Variants in NCKAP5 observed in about 807,000 individuals in gnomAD.
NCKAP5 encodes nck-associated protein 5.
NCKAP5 carries 92 observed loss-of-function variants against 167.0 expected under a neutral mutation model. The observed-to-expected ratio is 0.55, with a 90% CI of 0.47 to 0.66. NCKAP5 has a LOEUF of 0.66. NCKAP5 is among the 30% of genes least tolerant of loss of function. NCKAP5 has a pLI of 0.00. For missense variants in NCKAP5, 2,378 were observed against 2,315.0 expected, an observed-to-expected ratio of 1.03 and a Z score of -0.56; for synonymous variants, 891 against 877.4, an observed-to-expected ratio of 1.02 and a Z score of -0.27.
At chr2:133,282,916 T>C (rs1455058663) in intron 4 of NCKAP5, among the ~76,000 whole-genome samples, 1 of 152,170 alleles carries the variant, frequency 6.6e-6, no homozygotes, top group African/African-American at 2.4e-5. Context: ...TCCATGATCA[T>C]CCATATGTAT....
chr2:132,920,733 GTATA>G (rs1229649639), intron 8 of NCKAP5, among the ~76,000 whole-genome samples: 15 of 53,734 alleles, frequency 2.8e-4, no homozygotes, highest in Admixed American at 1.4e-3. Flanking sequence ...ATATATATAT[GTATA>G]TATATGTGTA....
At chr2:133,629,119 A>T in the NCKAP5 span, among the ~76,000 whole-genome samples, 4 of 152,246 alleles carry the variant, frequency 2.6e-5, no homozygotes, top group Non-Finnish European at 5.9e-5. Context: ...ATTGCAACAG[A>T]AGCAAAAATT....
intron 6 of NCKAP5, among the ~76,000 whole-genome samples, chr2:133,081,467 A>T (rs2080803241): frequency 6.6e-6 from 1 of 152,216 alleles, no homozygotes; most frequent in Non-Finnish European, 1.5e-5. Context: ...TTAAAAATAC[A>T]GTATCTGCTT....
intron 3 of NCKAP5, among the ~76,000 whole-genome samples, chr2:133,446,558 G>A (rs1023860942): frequency 2.6e-5 from 4 of 152,174 alleles, no homozygotes; most frequent in Non-Finnish European, 5.9e-5. Flanking sequence ...GTAAGTGAGG[G>A]AGGGAGAGGG....
chr2:133,617,743 G>A, the NCKAP5 span, among the ~76,000 whole-genome samples: 3 of 151,740 alleles, frequency 2.0e-5, no homozygotes, highest in Non-Finnish European at 4.4e-5. Flanking sequence ...GTAATTTATA[G>A]ATTCAATGCC....
intron 11 of NCKAP5, among the ~76,000 whole-genome samples, chr2:132,821,958 T>C (rs558411859): frequency 1.1e-4 from 17 of 152,054 alleles, no homozygotes; most frequent in Admixed American, 2.6e-4. Flanking sequence ...ACACAAAACA[T>C]AGAAACTCTT....
chr2:133,174,684 A>C (rs1252505812), intron 5 of NCKAP5, among the ~76,000 whole-genome samples: 1 of 149,078 alleles, frequency 6.7e-6, no homozygotes. Context: ...AGGCACAACA[A>C]AATATTCCAA....
chr2:133,049,317 G>A lies in NCKAP5; in HGVS notation c.342-55078C>T, dbSNP rs889730179. On this transcript the variant is annotated intron_variant, in intron 6 of 19. Transcript: ENST00000409261. The stretch of plus-strand genomic sequence containing the variant: ...TCCCAACACTTTGGGAAGCCTAGGC[G>A]GGTGGATCCCGAGGTCAGGAGATTG... Among the ~76,000 whole-genome samples the A allele has an allele frequency of 7.2e-5, 11 of 152,104 alleles. No individual in the cohort carries two copies. In the South Asian group the frequency reaches 8.3e-4, roughly 11 times the overall value.
intron 6 of NCKAP5, among the ~76,000 whole-genome samples, chr2:133,035,709 T>C (rs1312670122): frequency 6.6e-6 from 1 of 151,740 alleles, no homozygotes; most frequent in Non-Finnish European, 1.5e-5. Flanking sequence ...AGTTTATAGA[T>C]ATAAGTGGCT....
rs536518815 is a variant in NCKAP5, at chr2:133,480,651, T to C, written c.69+36807A>G. On this transcript the variant is annotated intron_variant, in intron 3 of 19. Coordinates refer to ENST00000409261, the MANE Select transcript of NCKAP5 (RefSeq NM_207363.3). Reference sequence around the variant, plus strand: ...TACTCTTCAGAAGGTACCAGACAGATTGACCCTCAGTTGCCCACAGCCATG... The same window carrying C: ...TACTCTTCAGAAGGTACCAGACAGACTGACCCTCAGTTGCCCACAGCCATG... Among the ~76,000 whole-genome samples, 10 of 152,322 alleles carry C rather than the reference T, an allele frequency of 6.6e-5. No homozygotes were observed. In the South Asian group the frequency reaches 8.3e-4, roughly 13 times the overall value.
Position 132,783,161 on chromosome 2 carries a change from C to T in NCKAP5, c.3650G>A (p.Gly1217Asp), listed in dbSNP as rs1212364897. 3.7e-6 allele frequency: 6 copies of T among 1,613,540 alleles called. No individual in the cohort carries two copies. Among genetic ancestry groups the T allele is most frequent in the South Asian group, 2.2e-5 (2 of 91,020 alleles). ...CAGGGGAAGCCCATCAGCTAAACTG[C>T]CCTGTGCTTGTGAATCCGGTAGGGT... ...NVTLPDSQAQ[G>D]SLADGLPLET... Residue 1217 changes from glycine to aspartate, a missense_variant, in exon 14 of 20, where the codon GGC (glycine) becomes GAC (aspartate). Gly to Asp is a moderately conservative substitution (Grantham distance 94). Around this residue, in one of 3 missense-constraint regions of NCKAP5, gnomAD observed 1,325 missense variants for 1,274.5 expected, o/e 1.04. Coordinates refer to ENST00000409261, the MANE Select transcript of NCKAP5 (RefSeq NM_207363.3).
intron 7 of NCKAP5, among the ~76,000 whole-genome samples, chr2:132,967,655 C>G (rs530150029): frequency 1.1e-4 from 17 of 152,202 alleles, no homozygotes; most frequent in Non-Finnish European, 2.1e-4. Flanking sequence ...TTTGTTCATC[C>G]AACAAATGTT....
At chr2:133,102,179 C>T (rs756858100) in intron 6 of NCKAP5, among the ~76,000 whole-genome samples, 27 of 152,148 alleles carry the variant, frequency 1.8e-4, no homozygotes, top group Non-Finnish European at 2.9e-4. Context: ...CGGAGTCTCC[C>T]TCTGTCACCC....
chr2:133,069,305 T>C (rs1428786318), intron 6 of NCKAP5, among the ~76,000 whole-genome samples: 1 of 152,256 alleles, frequency 6.6e-6, no homozygotes, highest in African/African-American at 2.4e-5. Flanking sequence ...TTTATTATCT[T>C]TCTAAGCCCC....
intron 5 of NCKAP5, among the ~76,000 whole-genome samples, chr2:133,161,237 G>A (rs571235831): frequency 1.3e-5 from 2 of 152,056 alleles, no homozygotes; most frequent in Admixed American, 6.5e-5. Context: ...TGTCTTCCAC[G>A]AAACTGGTCC....
rs80253984 is a variant in NCKAP5 at position 132,716,133 on chromosome 2, G to C, written c.5713+9494C>G. Among the ~76,000 whole-genome samples, 1,451 of 152,284 alleles carry C rather than the reference G, an allele frequency of 9.5e-3. 22 individuals carry two copies. The highest frequency in any genetic ancestry group is 0.033 in the African/African-American group (1,389 of 41,538). On this transcript the variant is annotated intron_variant, in intron 19 of 19. Transcript: ENST00000409261. The stretch of plus-strand genomic sequence containing the variant: ...TTTGCTGAATGTCACCTGGGGGATG[G>C]AGAGGCACAATTGCACTGGTGAGAC...
chr2:133,014,311 G>T (rs879376892), intron 6 of NCKAP5, among the ~76,000 whole-genome samples: 3 of 152,108 alleles, frequency 2.0e-5, no homozygotes, highest in Admixed American at 2.0e-4. Flanking sequence ...TTGCTTTCCT[G>T]CCTCCAGATC....
intron 8 of NCKAP5, among the ~76,000 whole-genome samples, chr2:132,906,086 C>A (rs995755108): frequency 6.6e-6 from 1 of 152,094 alleles, no homozygotes; most frequent in Non-Finnish European, 1.5e-5. Flanking sequence ...ACATTTAGTT[C>A]AAATTTTCCA....
At chr2:133,566,041 CT>C (rs911732872) in intron 1 of NCKAP5, among the ~76,000 whole-genome samples, 9 of 152,182 alleles carry the variant, frequency 5.9e-5, no homozygotes, top group African/African-American at 2.2e-4. Context: ...TGAATCACCA[CT>C]TGGACCAGGA....
Sources: allele counts gnomAD v4.1 joint callset (sites outside exome capture counted in the v4.1 genomes callset), GRCh38; gene constraint gnomAD v4.1.1; regional missense constraint gnomAD v4.1.1; transcripts MANE v1.5; gene names NCBI Gene and HGNC (gene_info 2026-07-23, HGNC 2026-07-21).